Variants in PCDH7 observed in about 807,000 individuals in gnomAD.
The protein encoded by PCDH7 is protocadherin 7, also known as protocadherin-7.
Under a neutral mutation model 58.9 loss-of-function variants are expected in PCDH7, and 17 were observed. That is an observed-to-expected ratio of 0.29 (90% confidence interval 0.20 to 0.43). The LOEUF (loss-of-function observed/expected upper bound fraction) is 0.43, where lower values mean the gene tolerates loss of function less well. Ranked by LOEUF, PCDH7 falls within the 20% of genes least tolerant of loss-of-function variation. The pLI, the probability that PCDH7 is intolerant of heterozygous loss-of-function variation, is 1.00. For synonymous variants in PCDH7, 664 were observed against 616.4 expected (o/e 1.08, Z -1.14); for missense variants, 1,274 against 1,441.0 (o/e 0.88, Z 1.88).
chr4:30,939,693 G>A (rs35036278), intron 2 of PCDH7, among the ~76,000 whole-genome samples: 73,162 of 151,764 alleles, frequency 0.48, 17,855 homozygotes, highest in African/African-American at 0.56. Flanking sequence ...AATTTAATAC[G>A]CACATTGGAG....
intron 3 of PCDH7, among the ~76,000 whole-genome samples, chr4:31,019,225 T>C (rs1753836737): frequency 6.6e-6 from 1 of 152,180 alleles, no homozygotes; most frequent in Non-Finnish European, 1.5e-5. Flanking sequence ...CAAATTATGA[T>C]ATATTTATAA....
chr4:30,721,931 G>A lies in PCDH7; in HGVS notation c.509G>A (p.Arg170His), dbSNP rs141818631. Residue 170 changes from arginine to histidine, a missense_variant, in exon 1 of 2, where the codon CGC (arginine) becomes CAC (histidine). Physicochemically the swap from Arg to His is conservative, Grantham distance 29. Coordinates refer to ENST00000361762, the Ensembl canonical transcript of PCDH7. This position sits in a 1 kb window ranked among gnomAD's most constrained non-coding sequence, Gnocchi z 6.7. Reference sequence around the variant, plus strand: ...TACCTGCTGCCCACAGCCACCGACCGCGACTTCGGCCGCAACGGCATCGAG... The same window carrying A: ...TACCTGCTGCCCACAGCCACCGACCACGACTTCGGCCGCAACGGCATCGAG... The A allele has an allele frequency of 5.1e-6, 8 of 1,565,248 alleles. No homozygotes were observed. In the Admixed American group the frequency reaches 7.4e-5, roughly 14 times the overall value.
chr4:30,869,795 A>T (rs1735325032), intron 1 of PCDH7, among the ~76,000 whole-genome samples: 1 of 152,134 alleles, frequency 6.6e-6, no homozygotes, highest in Non-Finnish European at 1.5e-5. Context: ...TTGGGTGTAT[A>T]CCCAGTAATG....
At chr4:31,083,251 T>G (rs1187645784) in intron 3 of PCDH7, among the ~76,000 whole-genome samples, 2 of 152,134 alleles carry the variant, frequency 1.3e-5, no homozygotes, top group Admixed American at 1.3e-4. Context: ...CAAAAGCTAT[T>G]GAAATAAAAT....
At chr4:30,807,261 T>A (rs1726340550) in intron 1 of PCDH7, among the ~76,000 whole-genome samples, 1 of 152,240 alleles carries the variant, frequency 6.6e-6, no homozygotes, top group South Asian at 2.1e-4. Flanking sequence ...TATCAGAAGA[T>A]TCTATTTGTT....
At chr4:31,033,063 A>G (rs1755095872) in intron 3 of PCDH7, among the ~76,000 whole-genome samples, 1 of 152,184 alleles carries the variant, frequency 6.6e-6, no homozygotes, top group South Asian at 2.1e-4. Flanking sequence ...TTCAGAAAAT[A>G]CTTATGGAAT....
intron 3 of PCDH7, among the ~76,000 whole-genome samples, chr4:31,065,507 T>C (rs1758010786): frequency 6.6e-6 from 1 of 151,964 alleles, no homozygotes. Context: ...CTTCTCCAAT[T>C]ACAAAGCATG....
chr4:31,119,798 A>T (rs1717432581), intron 3 of PCDH7, among the ~76,000 whole-genome samples: 1 of 152,078 alleles, frequency 6.6e-6, no homozygotes, highest in Non-Finnish European at 1.5e-5. Flanking sequence ...GCTCCAGAAG[A>T]ACCTGAGGCA....
chr4:30,828,277 C>T (rs181629234), intron 1 of PCDH7, among the ~76,000 whole-genome samples: 40 of 151,970 alleles, frequency 2.6e-4, no homozygotes, highest in Admixed American at 2.2e-3. Flanking sequence ...GCAGAGGAAA[C>T]GTCATGTGCA....
At chr4:31,032,874 A>C (rs1470619868) in intron 3 of PCDH7, among the ~76,000 whole-genome samples, 1 of 152,196 alleles carries the variant, frequency 6.6e-6, no homozygotes, top group Non-Finnish European at 1.5e-5. Flanking sequence ...AGAATCTATT[A>C]ATGGACAGTT....
intron 3 of PCDH7, among the ~76,000 whole-genome samples, chr4:31,075,617 C>T (rs1342594385): frequency 6.6e-6 from 1 of 152,156 alleles, no homozygotes; most frequent in Non-Finnish European, 1.5e-5. Flanking sequence ...ACCCTCAAGA[C>T]ATGGGCCTAG....
At chr4:31,090,922 A>AT (rs1713163187) in intron 3 of PCDH7, among the ~76,000 whole-genome samples, 1 of 152,044 alleles carries the variant, frequency 6.6e-6, no homozygotes, top group Non-Finnish European at 1.5e-5. Flanking sequence ...ATGTATCTAC[A>AT]TTTTTTAAAG....
intron 1 of PCDH7, among the ~76,000 whole-genome samples, chr4:30,832,908 C>T (rs915482783): frequency 5.9e-5 from 9 of 152,166 alleles, no homozygotes; most frequent in Non-Finnish European, 1.2e-4. Flanking sequence ...GGTCGAAATA[C>T]TCAGTGTAGG....
intron 1 of PCDH7, among the ~76,000 whole-genome samples, chr4:30,879,865 A>AT (rs2109369741): frequency 6.6e-6 from 1 of 152,198 alleles, no homozygotes; most frequent in Non-Finnish European, 1.5e-5. Context: ...AGTTAATAAC[A>AT]TTTTTTGGAT....
chr4:30,952,124 A>G (rs992852756), intron 3 of PCDH7, among the ~76,000 whole-genome samples: 4 of 152,276 alleles, frequency 2.6e-5, no homozygotes, highest in Middle Eastern at 6.8e-3. Flanking sequence ...TATAAGAAAT[A>G]ATTTATTACT....
intron 1 of PCDH7, among the ~76,000 whole-genome samples, chr4:30,883,202 G>A (rs929679603): frequency 1.3e-5 from 2 of 152,158 alleles, no homozygotes; most frequent in Admixed American, 6.6e-5. Context: ...AGAAAGAAAT[G>A]TTATCTTCTC....
chr4:30,952,303 C>T (rs867959042), intron 3 of PCDH7, among the ~76,000 whole-genome samples: 1 of 151,580 alleles, frequency 6.6e-6, no homozygotes, highest in Non-Finnish European at 1.5e-5. Flanking sequence ...GAAAATTTAA[C>T]CAAATTTTTT....
At chr4:31,121,303 T>G (rs879569035) in intron 3 of PCDH7, among the ~76,000 whole-genome samples, 3 of 152,190 alleles carry the variant, frequency 2.0e-5, no homozygotes, top group Non-Finnish European at 2.9e-5. Flanking sequence ...TTATCTATCT[T>G]TTTAATAACA....
rs375601513 is a variant in PCDH7 at position 30,815,330 on chromosome 4, G to A, written c.70+90734G>A. Among the ~76,000 whole-genome samples, 53 of 152,134 alleles carry A rather than the reference G, an allele frequency of 3.5e-4. No homozygotes were observed. In the East Asian group the frequency reaches 8.4e-3, roughly 24 times the overall value. ...GATTTAAGGCAGAGGGGGAGAGACC[G>A]AAATGAGTTTTAGAGCAAGAATGAG... On this transcript the variant is annotated intron_variant, in intron 1 of 3. Coordinates refer to the PCDH7 transcript ENST00000509759.
Sources: allele counts gnomAD v4.1 joint callset (sites outside exome capture counted in the v4.1 genomes callset), GRCh38; gene constraint gnomAD v4.1.1; non-coding constraint Gnocchi (gnomAD v3.1); transcripts MANE v1.5; gene names NCBI Gene and HGNC (gene_info 2026-07-23, HGNC 2026-07-21).